The following PTPRJ variants were observed in gnomAD, a reference collection of about 807,000 sequenced individuals.
PTPRJ encodes the protein receptor-type tyrosine-protein phosphatase eta.
PTPRJ carries 129 observed loss-of-function variants against 141.3 expected under a neutral mutation model. That is an observed-to-expected ratio of 0.91 (90% CI 0.79 to 1.06). PTPRJ has a LOEUF of 1.06. PTPRJ is among the 50% of genes least tolerant of loss of function. The pLI is 0.00. For synonymous variants in PTPRJ, 610 were observed against 640.5 expected (o/e 0.95, Z 0.72); for missense variants, 1,601 against 1,679.7 (o/e 0.95, Z 0.82).
At chr11:48,005,236 C>T (rs1854592763) in intron 1 of PTPRJ, among the ~76,000 whole-genome samples, 1 of 151,472 alleles carries the variant, frequency 6.6e-6, no homozygotes, top group East Asian at 1.9e-4. Context: ...AAAAAAAAAG[C>T]ATACAGTTCA....
At chr11:48,092,294 CAAAAA>C (rs3971621) in intron 1 of PTPRJ, among the ~76,000 whole-genome samples, 1 of 46,956 alleles carries the variant, frequency 2.1e-5, no homozygotes, top group African/African-American at 7.4e-5. Flanking sequence ...GATTTCATCT[CAAAAA>C]AAAAAAAAAA....
chr11:48,074,074 G>A (rs761165460), intron 1 of PTPRJ, among the ~76,000 whole-genome samples: 6 of 152,174 alleles, frequency 3.9e-5, no homozygotes, highest in Non-Finnish European at 5.9e-5. Flanking sequence ...TGACCTCCTG[G>A]GCTCAAGTAA....
chr11:48,028,839 G>C (rs34972471), intron 1 of PTPRJ, among the ~76,000 whole-genome samples: 1 of 151,994 alleles, frequency 6.6e-6, no homozygotes, highest in Non-Finnish European at 1.5e-5. Context: ...AATCAAACAC[G>C]TCTGCAAGCC....
chr11:47,991,877 G>A (rs1023087126), intron 1 of PTPRJ, among the ~76,000 whole-genome samples: 2 of 152,124 alleles, frequency 1.3e-5, no homozygotes, highest in African/African-American at 2.4e-5. Flanking sequence ...CATGACAAAT[G>A]CTTAGCATGA....
chr11:48,073,576 G>C (rs1347298305), intron 1 of PTPRJ, among the ~76,000 whole-genome samples: 2 of 151,934 alleles, frequency 1.3e-5, no homozygotes, highest in African/African-American at 4.8e-5. Context: ...TCTTCAGTAT[G>C]AACTGATCAA....
chr11:48,166,100 T>A (rs1204640984), intron 24 of PTPRJ, among the ~76,000 whole-genome samples: 9 of 151,794 alleles, frequency 5.9e-5, no homozygotes, highest in Non-Finnish European at 2.9e-5. Context: ...CCTGACCTCA[T>A]GATCCGCCCG....
intron 1 of PTPRJ, among the ~76,000 whole-genome samples, chr11:48,002,651 G>A (rs1465611930): frequency 1.3e-5 from 2 of 152,156 alleles, no homozygotes; most frequent in Non-Finnish European, 2.9e-5. Context: ...TTACCTGGGT[G>A]CTTTTCTTCG....
intron 1 of PTPRJ, among the ~76,000 whole-genome samples, chr11:48,081,696 C>T (rs141743495): frequency 6.7e-5 from 10 of 148,264 alleles, no homozygotes; most frequent in East Asian, 4.0e-4. Flanking sequence ...TGTCCCACCA[C>T]GGACTCATTG....
rs34681195 is a variant in PTPRJ, at chr11:48,120,976, ATTT to A, written c.353-13_353-11del. The A allele has an allele frequency of 0.045, 61,947 of 1,363,612 alleles. 535 individuals are homozygous for A. Among genetic ancestry groups the A allele is most frequent in the Non-Finnish European group, 0.049 (49,986 of 1,013,162 alleles). 84.5% of individuals were successfully genotyped at this position (1,363,612 alleles called of 1,614,324 possible). On this transcript the variant is annotated intron_variant, in intron 3 of 24. Coordinates refer to ENST00000418331, the MANE Select transcript of PTPRJ (RefSeq NM_002843.4). ...TTACATTTCTTTTTGAAGTGCAATAATTTTTTTTTTTTTTTTAACAATATAGGG... is the reference window on the plus strand; with the variant it reads ...TTACATTTCTTTTTGAAGTGCAATAATTTTTTTTTTTTTAACAATATAGGG...
rs201102499 is a variant in PTPRJ at position 48,163,573 on chromosome 11, A to G, written c.3674A>G (p.Tyr1225Cys). 6.3e-5 allele frequency: 101 copies of G among 1,614,036 alleles called. No homozygotes were observed. The African/African-American group carries it at 1.3e-3, about 21-fold the overall frequency. ...AACTTCCGGTACCTCGTTCGTGACT[A>G]CATGAAGCAGAGTCCTCCCGAATCG... Reference protein sequence around the residue: ...LINFRYLVRDYMKQSPPESPI... With the variant: ...LINFRYLVRDCMKQSPPESPI... Residue 1225 changes from tyrosine (Y) to cysteine (C), a missense_variant, in exon 23 of 25, where the codon TAC (tyrosine) becomes TGC (cysteine). Tyr to Cys is a radical substitution (Grantham distance 194, BLOSUM62 -2). Transcript: ENST00000418331.
chr11:48,131,070 ATTT>A lies in PTPRJ; in HGVS notation c.1615+379_1615+381del, dbSNP rs71045547. Among the ~76,000 whole-genome samples, 326 of 46,334 alleles carry A rather than the reference ATTT, an allele frequency of 7.0e-3. 2 individuals are homozygous for A. The highest frequency in any genetic ancestry group is 0.019 in the African/African-American group (281 of 14,452). 30.4% of individuals were successfully genotyped at this position (46,334 alleles called of 152,430 possible). On this transcript the variant is annotated intron_variant, in intron 8 of 24. Transcript: ENST00000418331. ...CACACACATATATATATATATATAT[ATTT>A]TTTTTTTTTTTTTTTTTTTTTTTTG...
chr11:48,143,942 C>T (rs1001657893), intron 12 of PTPRJ, among the ~76,000 whole-genome samples: 3 of 151,180 alleles, frequency 2.0e-5, no homozygotes, highest in African/African-American at 4.9e-5. Flanking sequence ...TGGTCTTGAA[C>T]TCCTGGACTC....
At chr11:47,992,364 AG>A (rs1157134248) in intron 1 of PTPRJ, among the ~76,000 whole-genome samples, 2 of 152,044 alleles carry the variant, frequency 1.3e-5, no homozygotes, top group African/African-American at 4.8e-5. Context: ...TAGTAGAGAC[AG>A]GGTTTCACCA....
chr11:48,032,652 G>A (rs1480060608), intron 1 of PTPRJ, among the ~76,000 whole-genome samples: 1 of 152,148 alleles, frequency 6.6e-6, no homozygotes, highest in African/African-American at 2.4e-5. Flanking sequence ...CCAGCTACTC[G>A]GGAGGCTGAA....
intron 5 of PTPRJ, among the ~76,000 whole-genome samples, 199 bp downstream of exon 5, chr11:48,124,069 G>A (rs904478437): frequency 4.6e-5 from 7 of 152,146 alleles, no homozygotes; most frequent in Admixed American, 2.0e-4. Flanking sequence ...GAACACATTG[G>A]GGCTGAGAAC....
intron 1 of PTPRJ, among the ~76,000 whole-genome samples, chr11:48,000,947 A>G (rs2134189796): frequency 6.6e-6 from 1 of 150,726 alleles, no homozygotes; most frequent in Middle Eastern, 3.4e-3. Context: ...TCCACAGGTT[A>G]CAATGGACTG....
intron 16 of PTPRJ, 77 bp from the exon 17 acceptor site, chr11:48,149,913 G>A: frequency 5.2e-6 from 6 of 1,164,396 alleles, no homozygotes; most frequent in African/African-American, 3.1e-5. Context: ...GTTTTGGGAA[G>A]ATTGTTTACT....
chr11:48,064,793 G>A (rs1855038458), intron 1 of PTPRJ, among the ~76,000 whole-genome samples: 1 of 151,594 alleles, frequency 6.6e-6, no homozygotes, highest in Non-Finnish European at 1.5e-5. Flanking sequence ...TCTAATTTTT[G>A]TATTTTTAGT....
intron 1 of PTPRJ, among the ~76,000 whole-genome samples, chr11:48,068,542 CTG>C (rs1320426351): frequency 6.6e-6 from 1 of 152,200 alleles, no homozygotes; most frequent in East Asian, 1.9e-4. Flanking sequence ...CCATGTGGAA[CTG>C]TGAGTCAATT....
Sources: gnomAD v4.1 joint callset for allele counts (sites outside exome capture counted in the v4.1 genomes callset) on GRCh38, gnomAD v4.1.1 for gene constraint, MANE v1.5 for transcripts, NCBI Gene and HGNC (gene_info 2026-07-23, HGNC 2026-07-21) for gene names.